The following NIM1K variants were observed in gnomAD, a reference collection of about 807,000 sequenced individuals.
NIM1K encodes NIM1 serine/threonine protein kinase.
A neutral mutation model predicts 37.1 loss-of-function variants in NIM1K; 35 were observed. The ratio of observed to expected loss-of-function variants is 0.94; its 90% CI spans 0.72 to 1.25. NIM1K has a LOEUF of 1.25. Ranked by LOEUF, NIM1K falls within the 50% of genes most tolerant of loss-of-function variation. The pLI is 0.00. For missense variants in NIM1K, 564 were observed against 548.0 expected, an observed-to-expected ratio of 1.03 and a Z score of -0.29; for synonymous variants, 234 against 206.6, an observed-to-expected ratio of 1.13 and a Z score of -1.14.
intron 1 of NIM1K, among the ~76,000 whole-genome samples, chr5:43,210,946 G>A (rs1752196075): frequency 6.6e-6 from 1 of 152,108 alleles, no homozygotes; most frequent in Admixed American, 6.6e-5. Context: ...CAAGGCAGGC[G>A]GATCACTTGA....
At chr5:43,200,942 G>A (rs529547699) in intron 1 of NIM1K, among the ~76,000 whole-genome samples, 1 of 151,852 alleles carries the variant, frequency 6.6e-6, no homozygotes, top group African/African-American at 2.4e-5. Flanking sequence ...TGGCCAAGAT[G>A]GTGAAACCCT....
At chr5:43,233,143 T>G (rs1752566446) in intron 1 of NIM1K, 3 of 1,326,196 alleles carry the variant, frequency 2.3e-6, no homozygotes, top group Non-Finnish European at 2.2e-6. Context: ...GACACCAGCC[T>G]GGCCAATGAG....
In NIM1K at chr5:43,213,490, T is replaced by C. The variant is rs369502013; in HGVS notation, c.-695+21079T>C. The stretch of plus-strand genomic sequence containing the variant: ...GATTACCGGCATGCACCACCACATC[T>C]GGCTATTTTTTTTTTCTTTTTGAGA... On this transcript the variant is annotated intron_variant, in intron 1 of 3. Transcript: ENST00000326035. 1.5e-3 allele frequency among the ~76,000 whole-genome samples: 227 copies of C among 150,594 alleles called. 1 individual carries two copies. The highest frequency in any genetic ancestry group is 5.2e-3 in the African/African-American group (213 of 40,854).
intron 1 of NIM1K, among the ~76,000 whole-genome samples, chr5:43,224,867 T>A (rs772340618): frequency 2.0e-5 from 3 of 152,058 alleles, no homozygotes; most frequent in Non-Finnish European, 4.4e-5. Context: ...AGCTAATTTT[T>A]GTATTTTTAA....
At chr5:43,256,460 G>A (rs1385510602) in intron 2 of NIM1K, among the ~76,000 whole-genome samples, 6 of 152,208 alleles carry the variant, frequency 3.9e-5, no homozygotes, top group African/African-American at 1.2e-4. Flanking sequence ...GGGGAAGATT[G>A]TAGGAGAAGC....
At chr5:43,194,610 G>A (rs1388103059) in intron 1 of NIM1K, among the ~76,000 whole-genome samples, 1 of 152,172 alleles carries the variant, frequency 6.6e-6, no homozygotes, top group African/African-American at 2.4e-5. Context: ...TTTGGGGCAA[G>A]CAGTGGTACC....
intron 2 of NIM1K, among the ~76,000 whole-genome samples, chr5:43,246,359 C>T (rs369365823): frequency 4.7e-4 from 71 of 151,836 alleles, no homozygotes; most frequent in African/African-American, 1.7e-3. Context: ...TTCCACCATA[C>T]CATGCAGATA....
intron 2 of NIM1K, among the ~76,000 whole-genome samples, chr5:43,272,487 G>A (rs1203814007): frequency 6.6e-6 from 1 of 152,002 alleles, no homozygotes; most frequent in East Asian, 1.9e-4. Context: ...TAGTCCTCTG[G>A]GTTCCAGTTG....
intron 2 of NIM1K, among the ~76,000 whole-genome samples, chr5:43,250,025 T>C (rs996478577): frequency 1.3e-5 from 2 of 151,858 alleles, no homozygotes; most frequent in Non-Finnish European, 2.9e-5. Context: ...GCTAATTTTT[T>C]GTATTTTTAG....
chr5:43,235,243 C>T (rs912243061), intron 1 of NIM1K, among the ~76,000 whole-genome samples: 2 of 152,070 alleles, frequency 1.3e-5, no homozygotes, highest in East Asian at 1.9e-4. Context: ...ATTAATTATC[C>T]AATTCTTCAT....
chr5:43,195,506 A>T (rs1006545999), intron 1 of NIM1K, among the ~76,000 whole-genome samples: 3 of 152,074 alleles, frequency 2.0e-5, no homozygotes, highest in Non-Finnish European at 2.9e-5. Context: ...AAAATTTTTT[A>T]AAAATTAGCT....
At chr5:43,272,940 A>C (rs1390180054) in intron 2 of NIM1K, among the ~76,000 whole-genome samples, 1 of 152,064 alleles carries the variant, frequency 6.6e-6, no homozygotes, top group Non-Finnish European at 1.5e-5. Flanking sequence ...CCATACAATA[A>C]CCTTGCTTTG....
At chr5:43,265,746 T>A (rs1044783775) in intron 2 of NIM1K, among the ~76,000 whole-genome samples, 3 of 152,194 alleles carry the variant, frequency 2.0e-5, no homozygotes, top group Admixed American at 2.0e-4. Flanking sequence ...TTTCTCCCCA[T>A]CTTTGTGGTT....
chr5:43,280,413 C>T lies in NIM1K; in HGVS notation c.995C>T (p.Thr332Ile), dbSNP rs781605292. 6.8e-6 allele frequency: 11 copies of T among 1,614,176 alleles called. No homozygotes were observed. In the South Asian group the frequency reaches 1.2e-4, roughly 18 times the overall value. Residue 332 changes from threonine (T) to isoleucine (I), a missense_variant, in exon 4 of 4, where the codon ACA becomes ATA. Coordinates refer to ENST00000326035, the MANE Select transcript of NIM1K (RefSeq NM_153361.4). ...TGGATGCAAGGGGTGCCATACCCTA[C>T]ACCTTTGGAACCTTTCCAACTGGAT... ...DEWMQGVPYP[T>I]PLEPFQLDPK...
intron 2 of NIM1K, among the ~76,000 whole-genome samples, chr5:43,269,706 C>T (rs1315785950): frequency 6.6e-6 from 1 of 152,086 alleles, no homozygotes; most frequent in Admixed American, 6.5e-5. Flanking sequence ...GCAAGCTCCG[C>T]CTCCTGGGTT....
chr5:43,272,331 A>C (rs1379632430), intron 2 of NIM1K, among the ~76,000 whole-genome samples: 3 of 151,932 alleles, frequency 2.0e-5, no homozygotes, highest in African/African-American at 7.3e-5. Context: ...CCAGACCAGG[A>C]GTACATCCCC....
chr5:43,254,432 G>A (rs773751028), intron 2 of NIM1K, among the ~76,000 whole-genome samples: 1 of 152,210 alleles, frequency 6.6e-6, no homozygotes, highest in Non-Finnish European at 1.5e-5. Flanking sequence ...CAAACTCTGG[G>A]ATGTAGTGAC....
At chr5:43,226,119 T>A (rs1457716955) in intron 1 of NIM1K, among the ~76,000 whole-genome samples, 1 of 152,120 alleles carries the variant, frequency 6.6e-6, no homozygotes, top group East Asian at 1.9e-4. Flanking sequence ...TTCAAGGGTG[T>A]GATTGAGAAT....
At chr5:43,206,928 G>A (rs1752121603) in intron 1 of NIM1K, 1 of 768,598 alleles carries the variant, frequency 1.3e-6, no homozygotes, top group Admixed American at 1.7e-5. Flanking sequence ...GATCTTCAGA[G>A]TTACAATGGT....
Sources: allele counts gnomAD v4.1 joint callset (sites outside exome capture counted in the v4.1 genomes callset), GRCh38; gene constraint gnomAD v4.1.1; transcripts MANE v1.5; gene names NCBI Gene and HGNC (gene_info 2026-07-23, HGNC 2026-07-21).